Variants in TLK2 observed in about 807,000 individuals in gnomAD.
TLK2 encodes tousled like kinase 2.
TLK2 carries 6 observed loss-of-function variants against 117.3 expected under a neutral mutation model. The observed-to-expected ratio is 0.05, with a 90% CI of 0.03 to 0.10. The LOEUF is 0.10. Among genes scored for constraint, TLK2 ranks in the 10% least tolerant of loss-of-function variants. The pLI is 1.00. For missense variants in TLK2, 299 were observed against 901.2 expected (o/e 0.33, Z 8.56); for synonymous variants, 257 against 316.7 (o/e 0.81, Z 2.00).
chr17:62,516,381 T>C (rs2075592514), intron 2 of TLK2: 3 of 1,580,052 alleles, frequency 1.9e-6, no homozygotes, highest in Non-Finnish European at 8.6e-7. Context: ...ATTCGGTTGC[T>C]GACCCAGCCC....
chr17:62,573,967 T>C (rs2080533073), intron 12 of TLK2, among the ~76,000 whole-genome samples: 1 of 152,192 alleles, frequency 6.6e-6, no homozygotes, highest in African/African-American at 2.4e-5. Flanking sequence ...ATAGCTACCA[T>C]ATATAGGAGG....
At position 62,516,484 on chromosome 17, in the gene TLK2, C is replaced by T. The variant is rs12948993; in HGVS notation, c.82-4289C>T. On this transcript the variant is annotated intron_variant, in intron 2 of 21. Transcript: ENST00000346027. The stretch of plus-strand genomic sequence containing the variant: ...CCTGCCAGTCTCTGGACGGCTACGG[C>T]GTAGGGTGGCAGGCACAATCTCCGG... 39 of 1,602,320 alleles carry T rather than the reference C, an allele frequency of 2.4e-5. No homozygotes were observed. In the South Asian group the frequency reaches 3.5e-4, roughly 14 times the overall value.
upstream of TLK2, among the ~76,000 whole-genome samples, chr17:62,474,436 G>A (rs549927442): frequency 1.3e-4 from 20 of 148,546 alleles, no homozygotes; most frequent in African/African-American, 4.5e-4. Context: ...TTGAGAGGGC[G>A]TCTAGCTCTG....
At position 62,520,784 on chromosome 17, in the gene TLK2, T is replaced by C. The variant is rs1391384686; in HGVS notation, c.93T>C (p.Asn31=). The C allele has an allele frequency of 6.2e-7, 1 of 1,612,386 alleles. No homozygotes were observed. Among genetic ancestry groups the C allele is most frequent in the Non-Finnish European group, 8.5e-7 (1 of 1,179,054 alleles). ...TGVGVSKGPL[N]SESSNQSLCS... ...TTTTTTTCTTTCAGGGACCACTTAA[T>C]AGTGAGTCTTCCAACCAGAGCTTGT... is the stretch of plus-strand genomic sequence containing the variant. Residue 31 remains asparagine (N), a synonymous_variant, in exon 3 of 22, where the codon AAT becomes AAC. Coordinates refer to ENST00000346027, the MANE Select transcript of TLK2 (RefSeq NM_006852.6).
At chr17:62,587,670 C>T (rs1021824553) in intron 16 of TLK2, among the ~76,000 whole-genome samples, 3 of 152,168 alleles carry the variant, frequency 2.0e-5, no homozygotes, top group Admixed American at 2.0e-4. Flanking sequence ...ACCTGTGGCA[C>T]CCTGCGTGTG....
At chr17:62,537,208 C>T (rs1204467770) in intron 7 of TLK2, among the ~76,000 whole-genome samples, 1 of 152,126 alleles carries the variant, frequency 6.6e-6, no homozygotes, top group Non-Finnish European at 1.5e-5. Flanking sequence ...AATCCACACT[C>T]CACCAACTGT....
At chr17:62,545,902 G>A (rs1050786497) in intron 7 of TLK2, among the ~76,000 whole-genome samples, 33 of 143,070 alleles carry the variant, frequency 2.3e-4, no homozygotes, top group African/African-American at 7.4e-4. Context: ...TGTTTGTTGA[G>A]CAAAGTCTTC....
chr17:62,505,772 A>G (rs1292338087), intron 2 of TLK2, among the ~76,000 whole-genome samples: 3 of 151,542 alleles, frequency 2.0e-5, no homozygotes, highest in Non-Finnish European at 2.9e-5. Context: ...GCTGACTGCA[A>G]CCTCCGTCTC....
intron 2 of TLK2, among the ~76,000 whole-genome samples, chr17:62,498,944 C>G (rs1045243425): frequency 6.6e-6 from 1 of 152,106 alleles, no homozygotes; most frequent in Middle Eastern, 3.2e-3. Flanking sequence ...CTCTCTGCAG[C>G]CTCAACCTCC....
chr17:62,553,520 T>G, intron 8 of TLK2, 143 bp from the exon 9 acceptor site: 1 of 646,144 alleles, frequency 1.5e-6, no homozygotes, highest in South Asian at 1.7e-5. Context: ...CAAGCAGATT[T>G]CATTTCTTAA....
chr17:62,578,739 A>T (rs2080997314), intron 14 of TLK2, among the ~76,000 whole-genome samples, 165 bp downstream of exon 14: 1 of 152,192 alleles, frequency 6.6e-6, no homozygotes, highest in South Asian at 2.1e-4. Flanking sequence ...CAAAATTATG[A>T]TTTGCCTTGG....
chr17:62,543,236 G>A (rs2077664559), intron 7 of TLK2, among the ~76,000 whole-genome samples: 1 of 152,062 alleles, frequency 6.6e-6, no homozygotes, highest in Admixed American at 6.6e-5. Context: ...AGTTGGTCAC[G>A]GCTTTATCCT....
Position 62,609,562 on chromosome 17 carries a change from A to C in TLK2, c.2079+1414A>C, listed in dbSNP as rs1194542733. On this transcript the variant is annotated intron_variant, in intron 21 of 21. Transcript: ENST00000346027. ...TCCTGACTGATGGCTCCCTGTCCCC[A>C]TTGTTCAACAGTTTAAGTACTGCAT... Among the ~76,000 whole-genome samples, 3 of 152,158 alleles carry C rather than the reference A, an allele frequency of 2.0e-5. No homozygotes were observed. In the South Asian group the frequency reaches 6.2e-4, roughly 31 times the overall value.
chr17:62,496,956 C>CAAA (rs1156828880), intron 2 of TLK2, among the ~76,000 whole-genome samples: 1 of 43,366 alleles, frequency 2.3e-5, no homozygotes, highest in Admixed American at 2.5e-4. Flanking sequence ...GACTCCATCT[C>CAAA]AAAAAAAAAA....
chr17:62,480,742 A>T (rs1186351606), intron 1 of TLK2, among the ~76,000 whole-genome samples: 1 of 152,224 alleles, frequency 6.6e-6, no homozygotes, highest in Non-Finnish European at 1.5e-5. Context: ...ATATCTGAAG[A>T]TACTTAGCTA....
intron 14 of TLK2, among the ~76,000 whole-genome samples, chr17:62,579,875 A>T (rs981673102): frequency 6.6e-6 from 1 of 152,162 alleles, no homozygotes; most frequent in Non-Finnish European, 1.5e-5. Context: ...GTGTAGCTAC[A>T]CTGAGACCAG....
intron 7 of TLK2, among the ~76,000 whole-genome samples, chr17:62,543,344 G>A (rs1260425092): frequency 6.6e-6 from 1 of 151,098 alleles, no homozygotes; most frequent in East Asian, 1.9e-4. Context: ...GTAGACATAC[G>A]TTTTCGTTTC....
At chr17:62,532,491 C>A (rs929245374) in intron 6 of TLK2, among the ~76,000 whole-genome samples, 1 of 152,092 alleles carries the variant, frequency 6.6e-6, no homozygotes, top group Non-Finnish European at 1.5e-5. Context: ...AAACTAATTT[C>A]TTTGTCAGGA....
intron 15 of TLK2, 111 bp downstream of exon 15, chr17:62,580,303 T>A (rs1469273969): frequency 1.4e-6 from 1 of 740,000 alleles, no homozygotes; most frequent in Non-Finnish European, 2.0e-6. Flanking sequence ...TTGGTTGAAA[T>A]TCAAAAACTT....
Sources: allele counts gnomAD v4.1 joint callset (sites outside exome capture counted in the v4.1 genomes callset), GRCh38; gene constraint gnomAD v4.1.1; transcripts MANE v1.5; gene names NCBI Gene and HGNC (gene_info 2026-07-23, HGNC 2026-07-21).